Variants in FNBP1 observed in about 807,000 individuals in gnomAD.
The protein encoded by FNBP1 is formin binding protein 1, also known as formin-binding protein 1.
FNBP1 carries 26 observed loss-of-function variants against 90.6 expected under a neutral mutation model. That is an observed-to-expected ratio of 0.29 (90% CI 0.21 to 0.40). The LOEUF is 0.40. FNBP1 is among the 10% of genes least tolerant of loss of function. FNBP1 has a pLI of 1.00. For missense variants in FNBP1, 635 were observed against 768.0 expected, an observed-to-expected ratio of 0.83 and a Z score of 2.05; for synonymous variants, 260 against 265.2, an observed-to-expected ratio of 0.98 and a Z score of 0.19.
intron 1 of FNBP1, among the ~76,000 whole-genome samples, chr9:130,019,473 T>C (rs1278487709): frequency 1.3e-5 from 2 of 152,172 alleles, no homozygotes; most frequent in Non-Finnish European, 2.9e-5. Flanking sequence ...TTTGGAGTGA[T>C]TTAAGAAAAT....
At chr9:129,910,441 C>A (rs998789859) in intron 11 of FNBP1, among the ~76,000 whole-genome samples, 1 of 127,424 alleles carries the variant, frequency 7.8e-6, no homozygotes, top group African/African-American at 2.9e-5. Flanking sequence ...GAGATCGTGC[C>A]GCTGTACTCC....
At chr9:130,050,647 TC>T in the FNBP1 span, among the ~76,000 whole-genome samples, 4 of 148,216 alleles carry the variant, frequency 2.7e-5, no homozygotes, top group Admixed American at 6.7e-5. Flanking sequence ...ATCAATCAAC[TC>T]TTTTTTTTTT....
At chr9:129,947,440 C>CAAAAAAAAAAA (rs530714143) in intron 6 of FNBP1, among the ~76,000 whole-genome samples, 34 of 96,992 alleles carry the variant, frequency 3.5e-4, no homozygotes, top group Admixed American at 5.5e-4. Flanking sequence ...AACTCCGTCT[C>CAAAAAAAAAAA]AAAAAAAAAA....
intron 4 of FNBP1, among the ~76,000 whole-genome samples, chr9:129,963,978 C>G (rs566801276): frequency 3.6e-4 from 54 of 151,388 alleles, no homozygotes; most frequent in Non-Finnish European, 6.5e-4. Context: ...GAAAAACTAT[C>G]CGTGCTGGGG....
intron 10 of FNBP1, among the ~76,000 whole-genome samples, chr9:129,919,996 C>CTT (rs1002670167): frequency 5.9e-5 from 9 of 152,130 alleles, no homozygotes; most frequent in African/African-American, 2.2e-4. Flanking sequence ...TGTGCTTCCT[C>CTT]TTTTTTTGCA....
chr9:129,989,412 A>G (rs546120967), intron 2 of FNBP1, among the ~76,000 whole-genome samples: 3 of 152,216 alleles, frequency 2.0e-5, no homozygotes, highest in Admixed American at 2.0e-4. Context: ...GTGCAAACAC[A>G]TAATTCCCCA....
In FNBP1 at chr9:130,014,003, A is replaced by ATAG. The variant is rs2056941408; in HGVS notation, c.25-19046_25-19045insCTA. 6.6e-6 allele frequency: 3 copies of ATAG among 456,636 alleles called. No homozygotes were observed. The East Asian group carries it at 2.1e-4, about 32-fold the overall frequency. 28.3% of individuals were successfully genotyped at this position (456,636 alleles called of 1,614,324 possible). ...GGTTGTGGTATTCTGCTATAGCAAC[A>ATAG]CAAAATAGACTAAGACAAACCCACC... On this transcript the variant is annotated intron_variant, in intron 1 of 16. Coordinates refer to ENST00000446176, the MANE Select transcript of FNBP1 (RefSeq NM_015033.3).
intron 4 of FNBP1, among the ~76,000 whole-genome samples, chr9:129,963,221 T>A (rs1455534030): frequency 6.6e-6 from 1 of 152,122 alleles, no homozygotes; most frequent in African/African-American, 2.4e-5. Context: ...CTTGGGGCAA[T>A]GCTGTGGGTG....
chr9:129,974,394 G>T (rs1239061710), intron 4 of FNBP1, among the ~76,000 whole-genome samples: 1 of 151,568 alleles, frequency 6.6e-6, no homozygotes, highest in East Asian at 2.0e-4. Flanking sequence ...ATAATCTATA[G>T]CAAGCATGAG....
Position 129,889,753 on chromosome 9 carries a change from G to A in FNBP1, c.*786C>T. ...GGAAAGTGATGGGGAGGACAGGCGT[G>A]GGCTCCTCATGGCCGGTGGACACAG... On this transcript the variant is annotated 3_prime_UTR_variant, in exon 17 of 17. Coordinates refer to ENST00000446176, the MANE Select transcript of FNBP1 (RefSeq NM_015033.3). 1 of 232,406 alleles carries A rather than the reference G, an allele frequency of 4.3e-6. No individual in the cohort carries two copies. Among genetic ancestry groups the A allele is most frequent in the Admixed American group, 5.6e-5 (1 of 17,756 alleles). 14.4% of individuals were successfully genotyped at this position (232,406 alleles called of 1,614,324 possible).
chr9:130,027,776 C>T (rs1482004932), intron 1 of FNBP1, among the ~76,000 whole-genome samples: 1 of 152,112 alleles, frequency 6.6e-6, no homozygotes, highest in East Asian at 1.9e-4. Flanking sequence ...ACTGAGCTGT[C>T]AACAGGAACC....
At chr9:130,034,251 T>C (rs1323845747) in intron 1 of FNBP1, among the ~76,000 whole-genome samples, 1 of 150,622 alleles carries the variant, frequency 6.6e-6, no homozygotes, top group East Asian at 1.9e-4. Context: ...AGGCGGAGAT[T>C]GCAGTGAGCT....
At chr9:129,996,706 T>C (rs1425637753) in intron 1 of FNBP1, among the ~76,000 whole-genome samples, 1 of 152,030 alleles carries the variant, frequency 6.6e-6, no homozygotes, top group Non-Finnish European at 1.5e-5. Flanking sequence ...TGTTTGTTGG[T>C]TGGTTTGTTT....
chr9:129,956,304 A>G (rs1016531603), intron 6 of FNBP1, among the ~76,000 whole-genome samples: 1 of 152,188 alleles, frequency 6.6e-6, no homozygotes, highest in Non-Finnish European at 1.5e-5. Context: ...ACTCAACTCT[A>G]ACTGATCTGT....
chr9:129,892,321 A>G (rs1226029141), intron 16 of FNBP1, among the ~76,000 whole-genome samples: 5 of 150,852 alleles, frequency 3.3e-5, no homozygotes, highest in Non-Finnish European at 5.9e-5. Context: ...ACCGGAAGTT[A>G]CTCTAGTCTA....
intron 16 of FNBP1, chr9:129,895,548 AAAG>A: frequency 1.6e-6 from 2 of 1,230,802 alleles, no homozygotes; most frequent in Non-Finnish European, 2.0e-6. Context: ...GATACCGCCA[AAAG>A]AAGAAATGTT....
chr9:130,023,776 A>G (rs1414883082), intron 1 of FNBP1, among the ~76,000 whole-genome samples: 2 of 151,838 alleles, frequency 1.3e-5, no homozygotes, highest in African/African-American at 2.4e-5. Flanking sequence ...TATCGTGAGC[A>G]TTTGGCATCT....
chr9:129,973,127 G>A (rs921646614), intron 4 of FNBP1, among the ~76,000 whole-genome samples: 35 of 152,114 alleles, frequency 2.3e-4, no homozygotes, highest in African/African-American at 6.8e-4. Flanking sequence ...CTTTCCTCTC[G>A]CTGCCCACCA....
chr9:129,895,791 T>C, intron 16 of FNBP1, 47 bp downstream of exon 16: 1 of 1,487,458 alleles, frequency 6.7e-7, no homozygotes, highest in Non-Finnish European at 8.9e-7. Flanking sequence ...CAACTCCATT[T>C]TTTTTAAGTT....
Sources: allele counts gnomAD v4.1 joint callset (sites outside exome capture counted in the v4.1 genomes callset), GRCh38; gene constraint gnomAD v4.1.1; transcripts MANE v1.5; gene names NCBI Gene and HGNC (gene_info 2026-07-23, HGNC 2026-07-21).